Variants in INPP4A observed in about 807,000 individuals in gnomAD.
INPP4A encodes inositol polyphosphate-4-phosphatase, type I, 107kD.
INPP4A carries 33 observed loss-of-function variants against 119.8 expected under a neutral mutation model. That is an observed-to-expected ratio of 0.28 (90% CI 0.21 to 0.37). The LOEUF (loss-of-function observed/expected upper bound fraction) is 0.37, where lower values mean the gene tolerates loss of function less well. Among genes scored for constraint, INPP4A ranks in the 10% least tolerant of loss-of-function variants. The pLI is 1.00. For synonymous variants in INPP4A, 496 were observed against 500.7 expected (o/e 0.99, Z 0.12); for missense variants, 956 against 1,289.9 (o/e 0.74, Z 3.97).
At chr2:98,473,872 A>G (rs1676665310) in intron 1 of INPP4A, among the ~76,000 whole-genome samples, 1 of 152,198 alleles carries the variant, frequency 6.6e-6, no homozygotes, top group Non-Finnish European at 1.5e-5. Flanking sequence ...CTTCTGTTTG[A>G]GGGCATTACA....
rs746118880 is a variant in INPP4A at position 98,555,815 on chromosome 2, A to G, written c.1822+7A>G. ...CATCCTCATCTGACCACACGTGCGT[A>G]TGCATCCATGCTTCCCATATGCTGC... On this transcript the variant is annotated splice_region_variant and intron_variant, in intron 16 of 24. Coordinates refer to ENST00000409851, the MANE Select transcript of INPP4A (RefSeq NM_001134225.2). 6.5e-7 allele frequency: 1 copy of G among 1,545,204 alleles called. No individual in the cohort carries two copies. The highest frequency in any genetic ancestry group is 1.2e-5 in the South Asian group (1 of 84,038).
chr2:98,550,478 C>T (rs1259660946), intron 13 of INPP4A, among the ~76,000 whole-genome samples: 2 of 152,210 alleles, frequency 1.3e-5, no homozygotes, highest in African/African-American at 4.8e-5. Context: ...CACCCTTACG[C>T]TCTCATGGCA....
intron 4 of INPP4A, among the ~76,000 whole-genome samples, chr2:98,530,720 G>C (rs768265200): frequency 6.6e-6 from 1 of 152,100 alleles, no homozygotes; most frequent in Non-Finnish European, 1.5e-5. Context: ...AGAAACATGA[G>C]GAGATAAGAA....
intron 1 of INPP4A, among the ~76,000 whole-genome samples, chr2:98,460,658 C>T (rs1696987878): frequency 6.6e-6 from 1 of 152,174 alleles, no homozygotes; most frequent in Non-Finnish European, 1.5e-5. Flanking sequence ...TGGGCCGCGA[C>T]TTGGCCTCCT....
chr2:98,574,999 A>C (rs1395506219), intron 23 of INPP4A, among the ~76,000 whole-genome samples: 3 of 152,184 alleles, frequency 2.0e-5, no homozygotes, highest in Non-Finnish European at 4.4e-5. Flanking sequence ...TTGTCCACCG[A>C]ATCCCAGGCA....
At chr2:98,445,294 C>T (rs1191383422) in intron 1 of INPP4A, among the ~76,000 whole-genome samples, 1 of 152,182 alleles carries the variant, frequency 6.6e-6, no homozygotes, top group Non-Finnish European at 1.5e-5. Flanking sequence ...GGCCGACCCC[C>T]AGCCCCGTGA....
rs1697175910 is a variant in INPP4A, at chr2:98,570,030, G to A, written c.2518+1362G>A. Among the ~76,000 whole-genome samples the A allele has an allele frequency of 6.6e-6, 1 of 152,192 alleles. No homozygotes were observed. The highest frequency in any genetic ancestry group is 1.5e-5 in the Non-Finnish European group (1 of 68,028). On this transcript the variant is annotated intron_variant, in intron 22 of 24. Coordinates refer to ENST00000409851, the MANE Select transcript of INPP4A (RefSeq NM_001134225.2). The surrounding 1 kb of genome is among the most constrained non-coding windows in gnomAD (Gnocchi z 4.3). ...CACTCCTCAGCGGCCACGTGCAGCT[G>A]GCGCTGGGGAGGTGAGGGCTGTGTC...
intron 1 of INPP4A, among the ~76,000 whole-genome samples, chr2:98,496,086 A>C (rs1681880471): frequency 6.6e-6 from 1 of 152,178 alleles, no homozygotes; most frequent in Non-Finnish European, 1.5e-5. Flanking sequence ...ATCAGTCTTA[A>C]GGCCTCTGTT....
intron 1 of INPP4A, among the ~76,000 whole-genome samples, chr2:98,460,521 T>C (rs1056531788): frequency 6.6e-6 from 1 of 152,188 alleles, no homozygotes; most frequent in African/African-American, 2.4e-5. Context: ...TTCTTTTTGT[T>C]TGTGTCATTA....
At chr2:98,567,772 G>A (rs1640187625) in intron 21 of INPP4A, among the ~76,000 whole-genome samples, 1 of 152,186 alleles carries the variant, frequency 6.6e-6, no homozygotes, top group African/African-American at 2.4e-5. Flanking sequence ...CACAGGCCCA[G>A]AGTCAGGGAT....
chr2:98,552,549 A>G (rs984824639), intron 13 of INPP4A: 15 of 649,204 alleles, frequency 2.3e-5, no homozygotes, highest in African/African-American at 1.2e-4. Flanking sequence ...AAATACAGAT[A>G]CATGCAAATA....
chr2:98,477,607 T>C (rs777565007), intron 1 of INPP4A, among the ~76,000 whole-genome samples: 2 of 152,232 alleles, frequency 1.3e-5, no homozygotes, highest in Non-Finnish European at 2.9e-5. Flanking sequence ...ACTGTCAACG[T>C]TGGTCTTGTA....
chr2:98,504,794 C>A (rs1479240911), intron 1 of INPP4A, among the ~76,000 whole-genome samples: 1 of 152,196 alleles, frequency 6.6e-6, no homozygotes, highest in African/African-American at 2.4e-5. Context: ...GTCTGAAGCA[C>A]GTTATTATTA....
intron 13 of INPP4A, among the ~76,000 whole-genome samples, chr2:98,547,109 C>G (rs1006481380): frequency 3.3e-5 from 5 of 152,192 alleles, no homozygotes; most frequent in African/African-American, 1.2e-4. Flanking sequence ...GGGGGCTGTA[C>G]AGAGCTACTG....
At chr2:98,573,427 T>G (rs955321764) in intron 23 of INPP4A, among the ~76,000 whole-genome samples, 1 of 152,186 alleles carries the variant, frequency 6.6e-6, no homozygotes, top group African/African-American at 2.4e-5. Context: ...TCATAGCTGG[T>G]CATTCATTCA....
intron 4 of INPP4A, chr2:98,521,225 T>A (rs1308438233): frequency 6.5e-6 from 1 of 153,592 alleles, no homozygotes; most frequent in East Asian, 1.9e-4. Context: ...CAGATAAGAA[T>A]ATACTAAAAA....
chr2:98,546,081 T>G lies in INPP4A; in HGVS notation c.1054+8T>G. The G allele has an allele frequency of 6.5e-7, 1 of 1,543,026 alleles. No individual in the cohort carries two copies. The highest frequency in any genetic ancestry group is 2.4e-5 in the East Asian group (1 of 42,180). ...AAGACGATGGAGGATCAGGTACCTATTTTTCTGCTCCCTCTTGTTGAATCA... is the reference window on the plus strand; with the variant it reads ...AAGACGATGGAGGATCAGGTACCTAGTTTTCTGCTCCCTCTTGTTGAATCA... On this transcript the variant is annotated splice_region_variant and intron_variant, in intron 12 of 24. Coordinates refer to ENST00000409851, the MANE Select transcript of INPP4A (RefSeq NM_001134225.2). This position sits in a 1 kb window ranked among gnomAD's most constrained non-coding sequence, Gnocchi z 4.2.
At chr2:98,550,456 G>A (rs1255616837) in intron 13 of INPP4A, among the ~76,000 whole-genome samples, 1 of 152,158 alleles carries the variant, frequency 6.6e-6, no homozygotes, top group Non-Finnish European at 1.5e-5. Context: ...CCTGGCCAGG[G>A]CCACAAGACT....
At chr2:98,505,974 G>A (rs928593078) in intron 1 of INPP4A, among the ~76,000 whole-genome samples, 3 of 151,894 alleles carry the variant, frequency 2.0e-5, no homozygotes, top group African/African-American at 4.8e-5. Context: ...ATATTTCTTC[G>A]AGGGGTTTAA....
Sources: allele counts gnomAD v4.1 joint callset (sites outside exome capture counted in the v4.1 genomes callset), GRCh38; gene constraint gnomAD v4.1.1; non-coding constraint Gnocchi (gnomAD v3.1); transcripts MANE v1.5; gene names NCBI Gene and HGNC (gene_info 2026-07-23, HGNC 2026-07-21).